IGSF9B: variants seen among roughly 807,000 people sequenced by gnomAD.
The protein encoded by IGSF9B is protein turtle homolog B.
Under a neutral mutation model 143.7 loss-of-function variants are expected in IGSF9B, and 48 were observed. That is an observed-to-expected ratio of 0.33 (90% CI 0.26 to 0.42). The LOEUF is 0.42. Among genes scored for constraint, IGSF9B ranks in the 20% least tolerant of loss-of-function variants. IGSF9B has a pLI of 1.00. For missense variants in IGSF9B, 1,706 were observed against 1,980.0 expected (o/e 0.86, Z 2.63); for synonymous variants, 903 against 833.1 (o/e 1.08, Z -1.44).
At chr11:133,955,398 G>A (rs1940233271) in intron 1 of IGSF9B, among the ~76,000 whole-genome samples, 1 of 152,180 alleles carries the variant, frequency 6.6e-6, no homozygotes, top group African/African-American at 2.4e-5. Flanking sequence ...CCCCTCAGAA[G>A]CAGAGGCGAC....
chr11:133,925,871 C>T lies in IGSF9B; in HGVS notation c.1902G>A (p.Trp634Ter). 6.2e-7 allele frequency: 1 copy of T among 1,613,440 alleles called. No homozygotes were observed. The highest frequency in any genetic ancestry group is 8.5e-7 in the Non-Finnish European group (1 of 1,179,694). The stretch of plus-strand genomic sequence containing the variant: ...GAAAGCTGTGGTTGGCAGGCGGAAG[C>T]CAGGACAGGAGCACACCCTGCTGAG... ...NRTQQGVLLS[W>*]LPPANHSFPI... The change falls in exon 14 of 20, where the codon TGG becomes TGA. Residue 634 changes from tryptophan to a stop codon, truncating the protein, a stop_gained. Transcript: ENST00000533871. LOFTEE classifies it high-confidence loss of function.
intron 15 of IGSF9B, among the ~76,000 whole-genome samples, chr11:133,923,807 C>A (rs1375792021): frequency 6.6e-5 from 10 of 152,214 alleles, no homozygotes; most frequent in Non-Finnish European, 1.5e-4. Flanking sequence ...TGGCATAGAG[C>A]TACTGAGCAC....
rs377154849 is a variant in IGSF9B, at chr11:133,952,042, C to T, written c.64+4649G>A. 6.6e-5 allele frequency: 30 copies of T among 455,590 alleles called. 2 individuals carry two copies. The highest frequency in any genetic ancestry group is 3.5e-4 in the East Asian group (5 of 14,370). 28.2% of individuals were successfully genotyped at this position (455,590 alleles called of 1,614,324 possible). On this transcript the variant is annotated intron_variant, in intron 1 of 19. Transcript: ENST00000533871. ...ACAGAGGACAGAAAGCCAGGCTGAGCGGGACCTTCTCAGAAAGGACAGTCA... is the reference window on the plus strand; with the variant it reads ...ACAGAGGACAGAAAGCCAGGCTGAGTGGGACCTTCTCAGAAAGGACAGTCA...
In IGSF9B at chr11:133,919,894, A is replaced by G. The variant is rs764512489; in HGVS notation, c.3831T>C (p.Thr1277=). The change falls in exon 18 of 20, where the codon ACT becomes ACC. Residue 1277 remains threonine, a synonymous_variant. Transcript: ENST00000533871. ...GAGGGGAAGGGTAGCCGGTGGCCAG[A>G]GTGGTGAAGCCCATGGCGGGCCGGT... is the stretch of plus-strand genomic sequence containing the variant. ...PSYRPAMGFT[T]LATGYPSPPP... 1 of 1,578,668 alleles carries G rather than the reference A, an allele frequency of 6.3e-7. No homozygotes were observed. The highest frequency in any genetic ancestry group is 1.2e-5 in the South Asian group (1 of 86,288).
chr11:133,947,708 T>TTCTC (rs112387633), intron 1 of IGSF9B, among the ~76,000 whole-genome samples: 19,213 of 134,772 alleles, frequency 0.14, 1,615 homozygotes, highest in East Asian at 0.4. Flanking sequence ...TCTGTGTTTG[T>TTCTC]TCTCTCTCTC....
rs905371409 is a variant in IGSF9B at position 133,905,324 on chromosome 11, T to C, written c.*3745A>G. ...GCCACGCAGTCTTCAGCCCTGGAGA[T>C]TCAGATCGTGGGCAGTGCCAAAGAT... On this transcript the variant is annotated 3_prime_UTR_variant, in exon 20 of 20. Transcript: ENST00000533871. The surrounding 1 kb of genome is among the most constrained non-coding windows in gnomAD (Gnocchi z 4.0). Among the ~76,000 whole-genome samples the C allele has an allele frequency of 6.6e-6, 1 of 151,268 alleles. No individual in the cohort carries two copies. The highest frequency in any genetic ancestry group is 2.0e-4 in the East Asian group (1 of 5,090).
At chr11:133,955,287 TG>T (rs1454299390) in intron 1 of IGSF9B, among the ~76,000 whole-genome samples, 1 of 152,208 alleles carries the variant, frequency 6.6e-6, no homozygotes, top group Admixed American at 6.5e-5. Flanking sequence ...TGTTCCCACC[TG>T]ACAAATGAAG....
rs1184717471 is a variant in IGSF9B, at chr11:133,901,041, C to G, written c.*8028G>C. On this transcript the variant is annotated 3_prime_UTR_variant, in exon 20 of 20. Coordinates refer to ENST00000533871, the MANE Select transcript of IGSF9B (RefSeq NM_001277285.4). ...GAGTCACAGTTTTCATCTCCTCAGC[C>G]TTGCCCTGTTAAGCCCCTCTGCAAA... is the stretch of plus-strand genomic sequence containing the variant. 1 of 152,330 alleles carries G rather than the reference C, an allele frequency of 6.6e-6. No homozygotes were observed. Among genetic ancestry groups the G allele is most frequent in the East Asian group, 1.9e-4 (1 of 5,184 alleles). 9.4% of individuals were successfully genotyped at this position (152,330 alleles called of 1,614,324 possible).
Position 133,913,796 on chromosome 11 carries a change from T to C in IGSF9B, c.3984-1789A>G, listed in dbSNP as rs1180232510. ...ACACCTTCCCAGTGTGGATAGCACATCCTCACCCCTTCTCATCCTCAACTG... is the reference window on the plus strand; with the variant it reads ...ACACCTTCCCAGTGTGGATAGCACACCCTCACCCCTTCTCATCCTCAACTG... On this transcript the variant is annotated intron_variant, in intron 18 of 19. Coordinates refer to ENST00000533871, the MANE Select transcript of IGSF9B (RefSeq NM_001277285.4). The surrounding 1 kb of genome is among the most constrained non-coding windows in gnomAD (Gnocchi z 4.6). 6.6e-6 allele frequency among the ~76,000 whole-genome samples: 1 copy of C among 152,154 alleles called. No homozygotes were observed. Among genetic ancestry groups the C allele is most frequent in the Non-Finnish European group, 1.5e-5 (1 of 68,026 alleles).
chr11:133,925,874 G>C lies in IGSF9B; in HGVS notation c.1899C>G (p.Ser633=). The C allele has an allele frequency of 6.2e-7, 1 of 1,613,404 alleles. No individual in the cohort carries two copies. The highest frequency in any genetic ancestry group is 8.5e-7 in the Non-Finnish European group (1 of 1,179,680). Residue 633 remains serine (S), a synonymous_variant, in exon 14 of 20, where the codon TCC becomes TCG. Coordinates refer to ENST00000533871, the MANE Select transcript of IGSF9B (RefSeq NM_001277285.4). ...AGCTGTGGTTGGCAGGCGGAAGCCA[G>C]GACAGGAGCACACCCTGCTGAGTCC... is the stretch of plus-strand genomic sequence containing the variant. ...ANRTQQGVLL[S]WLPPANHSFP... is the part of the protein sequence containing the mutation.
Position 133,953,924 on chromosome 11 carries a change from C to A in IGSF9B, c.64+2767G>T, listed in dbSNP as rs1940207658. Among the ~76,000 whole-genome samples, 1 of 152,218 alleles carries A rather than the reference C, an allele frequency of 6.6e-6. No individual in the cohort carries two copies. The highest frequency in any genetic ancestry group is 1.5e-5 in the Non-Finnish European group (1 of 68,042). ...TGACCTTAATCACCTCCCAGGCACA[C>A]ACACTCAAAGTCAAAAGGAGGAGCC... On this transcript the variant is annotated intron_variant, in intron 1 of 19. Coordinates refer to ENST00000533871, the MANE Select transcript of IGSF9B (RefSeq NM_001277285.4). This position sits in a 1 kb window ranked among gnomAD's most constrained non-coding sequence, Gnocchi z 4.2.
rs1674525909 is a variant in IGSF9B, at chr11:133,902,681, A to G, written c.*6388T>C. On this transcript the variant is annotated 3_prime_UTR_variant, in exon 20 of 20. Coordinates refer to ENST00000533871, the MANE Select transcript of IGSF9B (RefSeq NM_001277285.4). ...GGGACAACCTGGTGCCTGCAGAAGGACACATGAGACAATCCCTTCTCCAGC... is the reference window on the plus strand; with the variant it reads ...GGGACAACCTGGTGCCTGCAGAAGGGCACATGAGACAATCCCTTCTCCAGC... 6.6e-6 allele frequency among the ~76,000 whole-genome samples: 1 copy of G among 152,184 alleles called. No individual in the cohort carries two copies. The highest frequency in any genetic ancestry group is 6.5e-5 in the Admixed American group (1 of 15,284).
chr11:133,931,018 C>T lies in IGSF9B; in HGVS notation c.1485G>A (p.Thr495=). The T allele has an allele frequency of 1.2e-6, 2 of 1,613,360 alleles. No homozygotes were observed. Among genetic ancestry groups the T allele is most frequent in the Non-Finnish European group, 1.7e-6 (2 of 1,179,634 alleles). The change falls in exon 11 of 20, where the codon ACG becomes ACA. Residue 495 remains threonine (T), a synonymous_variant. Coordinates refer to ENST00000533871, the MANE Select transcript of IGSF9B (RefSeq NM_001277285.4). The surrounding 1 kb of genome is among the most constrained non-coding windows in gnomAD (Gnocchi z 7.7). ...EWECVATNVV[T]SITASTHLTV... ...TGAGGTGGGTGCTGGCAGTGATGCTCGTGACCACGTTGGTGGCGACACATT... is the reference window on the plus strand; with the variant it reads ...TGAGGTGGGTGCTGGCAGTGATGCTTGTGACCACGTTGGTGGCGACACATT...
intron 1 of IGSF9B, among the ~76,000 whole-genome samples, chr11:133,955,024 T>C (rs941373027): frequency 3.9e-5 from 6 of 152,184 alleles, no homozygotes; most frequent in African/African-American, 1.4e-4. Flanking sequence ...CTGACTTAGG[T>C]TCGGAGGCTA....
At chr11:133,956,586 G>T (rs1189508977) in intron 1 of IGSF9B, 105 bp downstream of exon 1, 1 of 744,278 alleles carries the variant, frequency 1.3e-6, no homozygotes. Flanking sequence ...GCGCGCCGGG[G>T]AGCTGGGGAA....
chr11:133,931,240 C>T lies in IGSF9B; in HGVS notation c.1369-106G>A. 8.3e-7 allele frequency: 1 copy of T among 1,198,932 alleles called. No individual in the cohort carries two copies. Among genetic ancestry groups the T allele is most frequent in the East Asian group, 2.4e-5 (1 of 42,256 alleles). The allele number at this position is 1,198,932 out of a possible 1,614,324, so 74.3% of individuals were successfully genotyped here. ...CGCCTGAGACCCCGGCCCGCCCACG[C>T]TGCCCTCCTCCCGAGTGCCTGCCGC... is the stretch of plus-strand genomic sequence containing the variant. On this transcript the variant is annotated intron_variant, in intron 10 of 19. Coordinates refer to ENST00000533871, the MANE Select transcript of IGSF9B (RefSeq NM_001277285.4). This position sits in a 1 kb window ranked among gnomAD's most constrained non-coding sequence, Gnocchi z 7.7.
At position 133,920,850 on chromosome 11, in the gene IGSF9B, G is replaced by A. The variant is rs775176299; in HGVS notation, c.2875C>T (p.Arg959Trp). 48 of 1,599,126 alleles carry A rather than the reference G, an allele frequency of 3.0e-5. No individual in the cohort carries two copies. The highest frequency in any genetic ancestry group is 1.7e-4 in the Middle Eastern group (1 of 6,004). Residue 959 changes from arginine to tryptophan, a missense_variant, in exon 18 of 20, where the codon CGG (arginine) becomes TGG (tryptophan). By Grantham distance (101) the Arg-to-Trp change is moderately radical. Coordinates refer to ENST00000533871, the MANE Select transcript of IGSF9B (RefSeq NM_001277285.4). ...ATGQARPPAP[R>W]PFHHGQYYGY... ...TAATACTGGCCATGGTGGAAGGGCC[G>A]GGGGGCAGGGGGCCGGGCCTGGCCT...
rs970390108 is a variant in IGSF9B, at chr11:133,945,877, C to G, written c.262+184G>C. On this transcript the variant is annotated intron_variant, in intron 2 of 19. Coordinates refer to ENST00000533871, the MANE Select transcript of IGSF9B (RefSeq NM_001277285.4). The surrounding 1 kb of genome is among the most constrained non-coding windows in gnomAD (Gnocchi z 4.6). ...TTCAGAAGGCTTTACCCTGCCCCAC[C>G]TCCACAGCCCTCTCCTCCCACCGCT... Among the ~76,000 whole-genome samples, 1 of 152,054 alleles carries G rather than the reference C, an allele frequency of 6.6e-6. No individual in the cohort carries two copies. The highest frequency in any genetic ancestry group is 2.4e-5 in the African/African-American group (1 of 41,420).
rs1939140464 is a variant in IGSF9B, at chr11:133,902,153, A to G, written c.*6916T>C. Among the ~76,000 whole-genome samples, 1 of 149,416 alleles carries G rather than the reference A, an allele frequency of 6.7e-6. No homozygotes were observed. Among genetic ancestry groups the G allele is most frequent in the African/African-American group, 2.5e-5 (1 of 40,330 alleles). ...CCATGTACCACACCAAACACACCAG[A>G]CACACCACACACACCAAACACACAC... On this transcript the variant is annotated 3_prime_UTR_variant, in exon 20 of 20. Coordinates refer to ENST00000533871, the MANE Select transcript of IGSF9B (RefSeq NM_001277285.4).
Sources: gnomAD v4.1 joint callset for allele counts (sites outside exome capture counted in the v4.1 genomes callset) on GRCh38, gnomAD v4.1.1 for gene constraint, Gnocchi (gnomAD v3.1) non-coding constraint, MANE v1.5 for transcripts, NCBI Gene and HGNC (gene_info 2026-07-23, HGNC 2026-07-21) for gene names.